Variants in CADM2 observed in about 807,000 individuals in gnomAD.
The protein encoded by CADM2 is immunoglobulin superfamily member 4D.
A neutral mutation model predicts 49.8 loss-of-function variants in CADM2; 12 were observed. That is an observed-to-expected ratio of 0.24 (90% CI 0.15 to 0.39). The LOEUF is 0.39. Ranked by LOEUF, CADM2 falls within the 10% of genes least tolerant of loss-of-function variation. The pLI, the probability that CADM2 is intolerant of heterozygous loss-of-function variation, is 1.00. For missense variants in CADM2, 378 were observed against 492.3 expected, an observed-to-expected ratio of 0.77 and a Z score of 2.20; for synonymous variants, 214 against 175.4, an observed-to-expected ratio of 1.22 and a Z score of -1.74.
At chr3:85,621,780 T>A (rs1015908326) in intron 1 of CADM2, among the ~76,000 whole-genome samples, 14 of 152,164 alleles carry the variant, frequency 9.2e-5, no homozygotes, top group African/African-American at 3.1e-4. Context: ...TTTTGACACA[T>A]CAAGCAGTCA....
intron 1 of CADM2, among the ~76,000 whole-genome samples, chr3:85,120,680 G>A (rs1173189050): frequency 1.3e-5 from 2 of 152,032 alleles, no homozygotes; most frequent in South Asian, 2.1e-4. Context: ...CCTCCTGGGG[G>A]GTAGGGGGCC....
rs191046974 is a variant in CADM2 at position 85,720,401 on chromosome 3, C to T, written c.62-6121C>T. On this transcript the variant is annotated intron_variant, in intron 1 of 9. Transcript: ENST00000383699. ...ATCATTGCCTAAATATGAGTATTTG[C>T]TAAAATTGCAGAATGGTGACTTTCT... Among the ~76,000 whole-genome samples the T allele has an allele frequency of 2.0e-5, 3 of 152,234 alleles. No individual in the cohort carries two copies. The East Asian group carries it at 5.8e-4, about 29-fold the overall frequency.
intron 3 of CADM2, among the ~76,000 whole-genome samples, chr3:85,862,517 G>T (rs2075575120): frequency 6.6e-6 from 1 of 152,108 alleles, no homozygotes. Context: ...GACAATATTA[G>T]TTCCCCAAAT....
chr3:85,562,871 G>A (rs1302610915), intron 1 of CADM2, among the ~76,000 whole-genome samples: 1 of 152,064 alleles, frequency 6.6e-6, no homozygotes, highest in Non-Finnish European at 1.5e-5. Flanking sequence ...AAGTAATCTG[G>A]TATGCATAAA....
intron 1 of CADM2, among the ~76,000 whole-genome samples, chr3:85,716,997 A>G (rs956526887): frequency 6.6e-6 from 1 of 152,176 alleles, no homozygotes; most frequent in Non-Finnish European, 1.5e-5. Context: ...TTGGTTCCAT[A>G]TCAAATTTAA....
intron 2 of CADM2, among the ~76,000 whole-genome samples, chr3:85,764,823 T>C (rs2069577225): frequency 6.6e-6 from 1 of 152,104 alleles, no homozygotes; most frequent in Non-Finnish European, 1.5e-5. Flanking sequence ...TCCTTTTATG[T>C]TCTCAACAGA....
intron 8 of CADM2, among the ~76,000 whole-genome samples, chr3:86,047,155 T>C (rs1377522555): frequency 6.6e-6 from 1 of 152,162 alleles, no homozygotes; most frequent in African/African-American, 2.4e-5. Context: ...ATAGCTCTAT[T>C]ATTTCTTAAT....
chr3:85,762,133 A>C (rs2069420572), intron 2 of CADM2, among the ~76,000 whole-genome samples: 1 of 152,178 alleles, frequency 6.6e-6, no homozygotes, highest in African/African-American at 2.4e-5. Context: ...TTACATAACT[A>C]AGTGTAGAAG....
intron 1 of CADM2, among the ~76,000 whole-genome samples, chr3:85,402,981 A>G (rs957500432): frequency 1.3e-5 from 2 of 152,158 alleles, no homozygotes; most frequent in African/African-American, 4.8e-5. Context: ...ATTTGCTAGG[A>G]ACCGTATTTT....
intron 7 of CADM2, among the ~76,000 whole-genome samples, chr3:85,954,236 A>G (rs932704594): frequency 4.6e-5 from 7 of 151,030 alleles, no homozygotes; most frequent in Non-Finnish European, 1.0e-4. Flanking sequence ...TAAAGCAATA[A>G]TTTTTCAATA....
intron 1 of CADM2, among the ~76,000 whole-genome samples, chr3:85,015,890 C>T (rs2034229753): frequency 1.3e-5 from 2 of 152,066 alleles, no homozygotes; most frequent in Non-Finnish European, 1.5e-5. Flanking sequence ...ATAGGGAATT[C>T]ACAAAATTGT....
intron 5 of CADM2, among the ~76,000 whole-genome samples, chr3:85,905,146 C>T (rs1445474222): frequency 6.6e-6 from 1 of 152,088 alleles, no homozygotes; most frequent in Non-Finnish European, 1.5e-5. Context: ...AATGCCTGAA[C>T]TCCCAACTCT....
chr3:85,527,290 G>A (rs902824929), intron 1 of CADM2, among the ~76,000 whole-genome samples: 1 of 151,448 alleles, frequency 6.6e-6, no homozygotes, highest in South Asian at 2.1e-4. Context: ...GGATGCCAAG[G>A]TGAGAGGCTT....
intron 1 of CADM2, among the ~76,000 whole-genome samples, chr3:85,387,460 T>A (rs1057356795): frequency 2.0e-5 from 3 of 152,150 alleles, no homozygotes; most frequent in African/African-American, 7.2e-5. Context: ...AAAGTTGGTG[T>A]TCATTTTATT....
intron 3 of CADM2, among the ~76,000 whole-genome samples, chr3:85,832,317 T>G (rs150753743): frequency 6.6e-6 from 1 of 151,972 alleles, no homozygotes; most frequent in Non-Finnish European, 1.5e-5. Context: ...TTTGCTACCA[T>G]ATGAAGTTCA....
intron 1 of CADM2, among the ~76,000 whole-genome samples, chr3:85,303,963 C>T (rs545069141): frequency 6.6e-6 from 1 of 151,848 alleles, no homozygotes; most frequent in Non-Finnish European, 1.5e-5. Flanking sequence ...GACATTGAGA[C>T]CGGAGGATTC....
intron 1 of CADM2, among the ~76,000 whole-genome samples, chr3:85,541,180 G>A (rs556163248): frequency 2.8e-4 from 42 of 150,426 alleles, no homozygotes; most frequent in East Asian, 1.2e-3. Flanking sequence ...ATATACATGC[G>A]TGTATATATA....
intron 1 of CADM2, among the ~76,000 whole-genome samples, chr3:85,040,782 T>C (rs1479024247): frequency 6.6e-6 from 1 of 152,184 alleles, no homozygotes; most frequent in Non-Finnish European, 1.5e-5. Flanking sequence ...TTCAGCACTT[T>C]AATATCTGCT....
At chr3:85,347,098 C>G (rs976091556) in intron 1 of CADM2, among the ~76,000 whole-genome samples, 1 of 151,716 alleles carries the variant, frequency 6.6e-6, no homozygotes, top group Non-Finnish European at 1.5e-5. Context: ...TGGTGCATGC[C>G]TGTGATCCGA....
Sources: allele counts gnomAD v4.1 joint callset (sites outside exome capture counted in the v4.1 genomes callset), GRCh38; gene constraint gnomAD v4.1.1; transcripts MANE v1.5; gene names NCBI Gene and HGNC (gene_info 2026-07-23, HGNC 2026-07-21).